Variants in GLT1D1 observed in about 807,000 individuals in gnomAD.
GLT1D1 encodes glycosyltransferase 1 domain containing 1.
GLT1D1 carries 21 observed loss-of-function variants against 28.7 expected under a neutral mutation model. The ratio of observed to expected loss-of-function variants is 0.73; its 90% CI spans 0.52 to 1.05. The LOEUF is 1.05. Ranked by LOEUF, GLT1D1 falls within the 50% of genes least tolerant of loss-of-function variation. The pLI, the probability that GLT1D1 is intolerant of heterozygous loss-of-function variation, is 0.00. For missense variants in GLT1D1, 343 were observed against 330.6 expected, an observed-to-expected ratio of 1.04 and a Z score of -0.29; for synonymous variants, 147 against 124.8, an observed-to-expected ratio of 1.18 and a Z score of -1.19.
intron 2 of GLT1D1, among the ~76,000 whole-genome samples, chr12:128,878,302 A>T (rs990164980): frequency 2.0e-5 from 3 of 152,200 alleles, no homozygotes; most frequent in African/African-American, 7.2e-5. Flanking sequence ...CACATCTGGG[A>T]ACTTTCTCCC....
intron 1 of GLT1D1, among the ~76,000 whole-genome samples, chr12:128,858,544 C>T (rs1956282808): frequency 1.3e-5 from 2 of 152,074 alleles, no homozygotes; most frequent in South Asian, 4.2e-4. Flanking sequence ...TGGTGGCACA[C>T]ACCTGTAATC....
chr12:128,937,738 C>A (rs939537022), intron 4 of GLT1D1, among the ~76,000 whole-genome samples: 1 of 152,068 alleles, frequency 6.6e-6, no homozygotes, highest in African/African-American at 2.4e-5. Flanking sequence ...AGTAAGTTCT[C>A]GGGATCTGAT....
intron 2 of GLT1D1, among the ~76,000 whole-genome samples, chr12:128,877,770 T>C (rs879722324): frequency 2.6e-5 from 4 of 152,248 alleles, no homozygotes; most frequent in African/African-American, 9.6e-5. Context: ...CTTAGTTGCT[T>C]ATCGCAGTAC....
rs1566091239 is a variant in GLT1D1 at position 128,874,113 on chromosome 12, TCTCTCTC to T, written c.69-1800_69-1794del. Among the ~76,000 whole-genome samples the T allele has an allele frequency of 2.9e-4, 19 of 65,940 alleles. No homozygotes were observed. In the East Asian group the frequency reaches 3.4e-3, roughly 12 times the overall value. The allele number at this position is 65,940 out of a possible 152,430, so 43.3% of individuals were successfully genotyped here. A position where few individuals can be genotyped will look rare whatever the true frequency, so the allele number is the denominator to read the frequency against. On this transcript the variant is annotated intron_variant, in intron 1 of 7. Coordinates refer to ENST00000281703, the MANE Select transcript of GLT1D1 (RefSeq NM_144669.3). ...CTTTCTTTCTTTCTCTCTCTCTCTC[TCTCTCTC>T]TCTCTCTTTCTTTCTTTCTTTCTTT...
At chr12:128,926,202 T>TAAG (rs1378227707) in intron 4 of GLT1D1, among the ~76,000 whole-genome samples, 157 bp from the exon 7 acceptor site, 46 of 138,306 alleles carry the variant, frequency 3.3e-4, no homozygotes, top group Non-Finnish European at 5.1e-4. Flanking sequence ...TCAATAATAA[T>TAAG]AATAATAATA....
intron 2 of GLT1D1, among the ~76,000 whole-genome samples, chr12:128,883,547 G>A (rs904569928): frequency 6.2e-5 from 9 of 144,290 alleles, no homozygotes; most frequent in African/African-American, 7.9e-5. Flanking sequence ...CTGAGATCGC[G>A]CCACTGCACT....
intron 1 of GLT1D1, among the ~76,000 whole-genome samples, chr12:128,870,080 T>C (rs1414382374): frequency 6.6e-6 from 1 of 152,032 alleles, no homozygotes; most frequent in Non-Finnish European, 1.5e-5. Context: ...CCAGCTACTT[T>C]TTGTATTTTT....
chr12:128,874,120 CTCTCTCTTTCTT>C lies in GLT1D1; in HGVS notation c.69-1790_69-1779del, dbSNP rs1337374143. On this transcript the variant is annotated intron_variant, in intron 1 of 7. Coordinates refer to ENST00000281703, the MANE Select transcript of GLT1D1 (RefSeq NM_144669.3). ...TCTTTCTCTCTCTCTCTCTCTCTCT[CTCTCTCTTTCTT>C]TCTTTCTTTCTTTCTTTCTTTCTTT... 7.1e-3 allele frequency among the ~76,000 whole-genome samples: 376 copies of C among 52,668 alleles called. 1 individual carries two copies. Among genetic ancestry groups the C allele is most frequent in the Non-Finnish European group, 9.3e-3 (277 of 29,944 alleles). 34.6% of individuals were successfully genotyped at this position (52,668 alleles called of 152,430 possible).
intron 7 of GLT1D1, among the ~76,000 whole-genome samples, chr12:128,961,581 A>C (rs1438952970): frequency 6.6e-6 from 1 of 152,232 alleles, no homozygotes; most frequent in Non-Finnish European, 1.5e-5. Context: ...ACTATCGCAC[A>C]TTCTTGGAGT....
intron 4 of GLT1D1, 182 bp from the exon 9 acceptor site, chr12:128,945,144 G>A (rs957052372): frequency 4.1e-5 from 30 of 737,316 alleles, no homozygotes; most frequent in South Asian, 8.8e-5. Flanking sequence ...ACGACACAGT[G>A]CCCTTGCCCG....
chr12:128,934,036 T>C (rs1314263147), intron 4 of GLT1D1, among the ~76,000 whole-genome samples: 1 of 152,156 alleles, frequency 6.6e-6, no homozygotes, highest in Non-Finnish European at 1.5e-5. Context: ...GAGTGCACTC[T>C]GCTTCAGCCC....
At chr12:128,951,749 T>A (rs1284684676) in intron 6 of GLT1D1, among the ~76,000 whole-genome samples, 4 of 152,246 alleles carry the variant, frequency 2.6e-5, no homozygotes. Flanking sequence ...GTCATCATCG[T>A]CCAGGAGTTC....
At chr12:128,945,285 G>A (rs879391468) in intron 4 of GLT1D1, 41 bp from the exon 9 acceptor site, 12 of 1,608,318 alleles carry the variant, frequency 7.5e-6, no homozygotes, top group African/African-American at 1.3e-5. Flanking sequence ...AGCGCCACTA[G>A]CAGGCGGCGA....
At chr12:128,881,561 A>ATATATATATATAT (rs1201275552) in intron 2 of GLT1D1, among the ~76,000 whole-genome samples, 1 of 33,726 alleles carries the variant, frequency 3.0e-5, no homozygotes. Context: ...AAAAAAAAAA[A>ATATATATATATAT]ATATATATAT....
intron 4 of GLT1D1, among the ~76,000 whole-genome samples, chr12:128,906,729 C>CT (rs958539402): frequency 1.4e-4 from 18 of 126,986 alleles, no homozygotes; most frequent in East Asian, 2.4e-4. Flanking sequence ...TTTTTTTTTT[C>CT]TTTTTTTTTT....
intron 6 of GLT1D1, among the ~76,000 whole-genome samples, chr12:128,948,083 G>T (rs1593175764): frequency 1.3e-5 from 2 of 152,144 alleles, no homozygotes; most frequent in East Asian, 3.9e-4. Context: ...AGGCTGGAGT[G>T]GGAAGGCCGT....
chr12:128,928,748 G>A (rs1439165319), intron 4 of GLT1D1, among the ~76,000 whole-genome samples: 4 of 151,564 alleles, frequency 2.6e-5, no homozygotes. Flanking sequence ...AGTCTTCCTA[G>A]CAGCTGGGAT....
At chr12:128,939,339 A>T (rs997053570) in intron 4 of GLT1D1, among the ~76,000 whole-genome samples, 1 of 151,666 alleles carries the variant, frequency 6.6e-6, no homozygotes, top group Non-Finnish European at 1.5e-5. Context: ...AGGTGGGCGG[A>T]TCACTTAAGG....
At chr12:128,930,793 G>A (rs1179220638) in intron 4 of GLT1D1, among the ~76,000 whole-genome samples, 5 of 152,184 alleles carry the variant, frequency 3.3e-5, no homozygotes, top group African/African-American at 1.2e-4. Context: ...AGAGAGAGCT[G>A]CTAGAACAAA....
Sources: allele counts gnomAD v4.1 joint callset (sites outside exome capture counted in the v4.1 genomes callset), GRCh38; gene constraint gnomAD v4.1.1; transcripts MANE v1.5; gene names NCBI Gene and HGNC (gene_info 2026-07-23, HGNC 2026-07-21).